Variants in ACADL observed in about 807,000 individuals in gnomAD.
ACADL encodes the protein long-chain specific acyl-CoA dehydrogenase, mitochondrial.
Under a neutral mutation model 56.9 loss-of-function variants are expected in ACADL, and 60 were observed. That is an observed-to-expected ratio of 1.05 (90% confidence interval 0.86 to 1.31). The LOEUF (loss-of-function observed/expected upper bound fraction) is 1.31. ACADL is among the 50% of genes most tolerant of loss of function. The pLI, the probability that ACADL is intolerant of heterozygous loss-of-function variation, is 0.00. For synonymous variants in ACADL, 158 were observed against 179.7 expected (o/e 0.88, Z 0.97); for missense variants, 484 against 525.5 (o/e 0.92, Z 0.77).
At chr2:210,216,085 T>A (rs1689081572) in intron 4 of ACADL, among the ~76,000 whole-genome samples, 1 of 152,208 alleles carries the variant, frequency 6.6e-6, no homozygotes, top group Non-Finnish European at 1.5e-5. Context: ...CATGTGAATC[T>A]CATCCTACAC....
chr2:210,197,435 CAA>C (rs1688728177), intron 8 of ACADL, among the ~76,000 whole-genome samples: 1 of 152,008 alleles, frequency 6.6e-6, no homozygotes, highest in Non-Finnish European at 1.5e-5. Context: ...TTAATCAGCA[CAA>C]AGTTTCCCAC....
intron 4 of ACADL, among the ~76,000 whole-genome samples, chr2:210,214,951 A>G (rs1389695764): frequency 6.6e-6 from 1 of 152,236 alleles, no homozygotes; most frequent in Non-Finnish European, 1.5e-5. Flanking sequence ...GATAAATACA[A>G]TGTAAACATA....
chr2:210,200,924 C>A (rs527927115), intron 8 of ACADL, among the ~76,000 whole-genome samples: 36 of 152,256 alleles, frequency 2.4e-4, no homozygotes, highest in Non-Finnish European at 4.9e-4. Flanking sequence ...ATTCCAAGCG[C>A]TTTATGTATA....
chr2:210,214,467 A>AAAAAAGAAAGAAAG (rs768537049), intron 4 of ACADL, among the ~76,000 whole-genome samples: 1 of 122,418 alleles, frequency 8.2e-6, no homozygotes, highest in Admixed American at 9.3e-5. Flanking sequence ...GACCTTCCAA[A>AAAAAAGAAAGAAAG]AAAGAAAGAA....
At position 210,187,942 on chromosome 2, in the gene ACADL, A is replaced by C. The variant is rs1223053237; in HGVS notation, c.*1019T>G. The stretch of plus-strand genomic sequence containing the variant: ...TAAAGCTACTTTAAATTAATGGTTT[A>C]TTTTTTGTAATTACTTTTAAGTCTT... On this transcript the variant is annotated 3_prime_UTR_variant, in exon 11 of 11. Transcript: ENST00000233710. 2 of 152,162 alleles carry C rather than the reference A, an allele frequency of 1.3e-5. No individual in the cohort carries two copies. Among genetic ancestry groups the C allele is most frequent in the Admixed American group, 1.3e-4 (2 of 15,266 alleles). The allele number at this position is 152,162 out of a possible 1,614,324, so 9.4% of individuals were successfully genotyped here. A position where few individuals can be genotyped will look rare whatever the true frequency, so the allele number is the denominator to read the frequency against.
chr2:210,219,474 C>T (rs1287114530), intron 2 of ACADL, among the ~76,000 whole-genome samples: 1 of 152,078 alleles, frequency 6.6e-6, no homozygotes, highest in African/African-American at 2.4e-5. Flanking sequence ...AAAAAACACA[C>T]AAACACACAA....
At chr2:210,198,946 G>A (rs1430598887) in intron 8 of ACADL, among the ~76,000 whole-genome samples, 4 of 152,072 alleles carry the variant, frequency 2.6e-5, no homozygotes, top group African/African-American at 7.2e-5. Context: ...TCCATACGTA[G>A]GTTTCTATTC....
chr2:210,195,874 A>G (rs765519922), intron 8 of ACADL, among the ~76,000 whole-genome samples: 11 of 152,152 alleles, frequency 7.2e-5, no homozygotes, highest in Non-Finnish European at 1.5e-4. Context: ...TTTAATCTAG[A>G]TCTGTAGAAA....
In ACADL at chr2:210,188,620, A is replaced by G. The variant is rs1376019220; in HGVS notation, c.*341T>C. On this transcript the variant is annotated 3_prime_UTR_variant, in exon 11 of 11. Transcript: ENST00000233710. ...TATCTTATTAATGTTTTTATACTAT[A>G]GCGACATAAAATTATTTCTGCCTTG... 2.5e-5 allele frequency: 6 copies of G among 241,330 alleles called. No homozygotes were observed. The highest frequency in any genetic ancestry group is 4.9e-5 in the Non-Finnish European group (6 of 121,770). The allele number at this position is 241,330 out of a possible 1,614,324, so 14.9% of individuals were successfully genotyped here.
Position 210,195,337 on chromosome 2 carries a change from G to A in ACADL, c.986C>T (p.Thr329Ile). Reference protein sequence around the residue: ...AFGKTVAHLQTVQHKLAELKT... With the variant: ...AFGKTVAHLQIVQHKLAELKT... Reference sequence around the variant, plus strand: ...TAATTCTGCTAATTTATGTTGCACTGTCTTGAATTTAAAGGAAATAAAAGA... The same window carrying A: ...TAATTCTGCTAATTTATGTTGCACTATCTTGAATTTAAAGGAAATAAAAGA... Residue 329 changes from threonine (T) to isoleucine (I), a missense_variant and splice_region_variant, in exon 9 of 11, where the codon ACA becomes ATA. Coordinates refer to ENST00000233710, the MANE Select transcript of ACADL (RefSeq NM_001608.4). 1 of 1,611,496 alleles carries A rather than the reference G, an allele frequency of 6.2e-7. No individual in the cohort carries two copies. The highest frequency in any genetic ancestry group is 8.5e-7 in the Non-Finnish European group (1 of 1,177,770).
intron 9 of ACADL, among the ~76,000 whole-genome samples, chr2:210,194,181 A>T (rs888149185): frequency 2.0e-5 from 3 of 152,116 alleles, no homozygotes; most frequent in African/African-American, 7.2e-5. Flanking sequence ...AATTTTTTTT[A>T]CACTTTTTGC....
rs769961762 is a variant in ACADL, at chr2:210,205,706, G to T, written c.694C>A (p.Leu232Ile). Residue 232 changes from leucine to isoleucine, a missense_variant, in exon 6 of 11, where the codon CTT (leucine) becomes ATT (isoleucine). By Grantham distance (5) the Leu-to-Ile change is conservative. Transcript: ENST00000233710. Reference sequence around the variant, plus strand: ...TTCATTCCATTTTCCACCAGAAAAAGGCTAATACCATGGGCAGGGGAGGGA... The same window carrying T: ...TTCATTCCATTTTCCACCAGAAAAATGCTAATACCATGGGCAGGGGAGGGA... ...EAPSPAHGIS[L>I]FLVENGMKGF... is the part of the protein sequence containing the mutation. 3.1e-6 allele frequency: 5 copies of T among 1,613,946 alleles called. No homozygotes were observed. In the South Asian group the frequency reaches 3.3e-5, roughly 11 times the overall value.
Position 210,204,501 on chromosome 2 carries a change from T to TA in ACADL, c.870+79dup, listed in dbSNP as rs1170047433. 3.7e-6 allele frequency: 4 copies of TA among 1,091,564 alleles called. No homozygotes were observed. The African/African-American group carries it at 6.3e-5, about 17-fold the overall frequency. The allele number at this position is 1,091,564 out of a possible 1,614,324, so 67.6% of individuals were successfully genotyped here. ...TGCATGTATAAATTTGAATGCATAA[T>TA]ATAGAAATAACATGTTTCTATATTA... On this transcript the variant is annotated intron_variant, in intron 7 of 10. Transcript: ENST00000233710.
chr2:210,225,199 A>T lies in ACADL; in HGVS notation c.65T>A (p.Leu22Gln), dbSNP rs1338395828. The T allele has an allele frequency of 6.5e-7, 1 of 1,536,846 alleles. No individual in the cohort carries two copies. The highest frequency in any genetic ancestry group is 1.9e-5 in the Admixed American group (1 of 51,296). The change falls in exon 1 of 11, where the codon CTG becomes CAG. Residue 22 changes from leucine (L) to glutamine (Q), a missense_variant. Physicochemically the swap from Leu to Gln is moderately radical, Grantham distance 113. Coordinates refer to ENST00000233710, the MANE Select transcript of ACADL (RefSeq NM_001608.4). ...GGCTGGCACTCACCGCGCGGCGGGCAGCTGGCGCGGCGCACGGTGGCCGCC... is the reference window on the plus strand; with the variant it reads ...GGCTGGCACTCACCGCGCGGCGGGCTGCTGGCGCGGCGCACGGTGGCCGCC... ...VLGGHRAPRQ[L>Q]PAARCSHSGG...
At chr2:210,195,389 A>T (rs1450706407) in intron 8 of ACADL, 51 bp from the exon 9 acceptor site, 2 of 1,535,876 alleles carry the variant, frequency 1.3e-6, no homozygotes, top group African/African-American at 2.7e-5. Flanking sequence ...AGAAATATAA[A>T]CTTCAACCCA....
At chr2:210,219,091 T>A (rs1689135467) in intron 2 of ACADL, among the ~76,000 whole-genome samples, 1 of 152,198 alleles carries the variant, frequency 6.6e-6, no homozygotes, top group Non-Finnish European at 1.5e-5. Context: ...ACTACAAAAA[T>A]TTTTAAGACT....
chr2:210,193,370 T>G (rs1688666054), intron 9 of ACADL, among the ~76,000 whole-genome samples: 1 of 152,254 alleles, frequency 6.6e-6, no homozygotes, highest in Non-Finnish European at 1.5e-5. Context: ...GGGTTCTGAC[T>G]TTTCAGAAAT....
chr2:210,219,421 G>A (rs1377973113), intron 2 of ACADL, among the ~76,000 whole-genome samples: 2 of 152,060 alleles, frequency 1.3e-5, no homozygotes, highest in African/African-American at 2.4e-5. Context: ...CTATGATCAT[G>A]CCCCTGCACT....
intron 1 of ACADL, chr2:210,224,794 C>A: frequency 1.0e-6 from 1 of 996,086 alleles, no homozygotes; most frequent in South Asian, 4.6e-5. Flanking sequence ...GGACACAGAT[C>A]GCAGCCCGCG....
Sources: gnomAD v4.1 joint callset for allele counts (sites outside exome capture counted in the v4.1 genomes callset) on GRCh38, gnomAD v4.1.1 for gene constraint, MANE v1.5 for transcripts, NCBI Gene and HGNC (gene_info 2026-07-23, HGNC 2026-07-21) for gene names.